The following C12orf42 variants were observed in gnomAD, a reference collection of about 807,000 sequenced individuals.
The protein encoded by C12orf42 is uncharacterized protein C12orf42.
C12orf42 carries 25 observed loss-of-function variants against 21.6 expected under a neutral mutation model. That is an observed-to-expected ratio of 1.16 (90% CI 0.84 to 1.62). C12orf42 has a LOEUF of 1.62. C12orf42 is among the 40% of genes most tolerant of loss of function. The pLI, the probability that C12orf42 is intolerant of heterozygous loss-of-function variation, is 0.00. For synonymous variants in C12orf42, 174 were observed against 175.0 expected (o/e 0.99, Z 0.05); for missense variants, 483 against 459.3 (o/e 1.05, Z -0.47).
At chr12:103,070,986 A>G in the C12orf42 span, among the ~76,000 whole-genome samples, 3 of 152,146 alleles carry the variant, frequency 2.0e-5, no homozygotes, top group Non-Finnish European at 2.9e-5. Context: ...GTCTGACTGT[A>G]TTTGCTTTAA....
chr12:103,446,724 A>G (rs1197479090), intron 2 of C12orf42, among the ~76,000 whole-genome samples: 1 of 151,988 alleles, frequency 6.6e-6, no homozygotes, highest in Non-Finnish European at 1.5e-5. Context: ...TATATCAGAA[A>G]AAAACAGACT....
chr12:103,496,847 C>T (rs1412946617), upstream of C12orf42, among the ~76,000 whole-genome samples: 1 of 116,444 alleles, frequency 8.6e-6, no homozygotes, highest in East Asian at 3.2e-4. Flanking sequence ...TTTTTAAAGA[C>T]TCTTGAGTCT....
Position 103,305,999 on chromosome 12 carries a change from G to A in C12orf42, c.606C>T (p.Pro202=), listed in dbSNP as rs369523668. The A allele has an allele frequency of 1.2e-6, 2 of 1,609,958 alleles. No homozygotes were observed. Among genetic ancestry groups the A allele is most frequent in the African/African-American group, 2.7e-5 (2 of 74,864 alleles). Residue 202 remains proline (P), a synonymous_variant, in exon 5 of 6, where the codon CCC becomes CCT. Transcript: ENST00000548883. ...CAGAATTTTTCTTGGGACTGCTCAA[G>A]GGCTGGCCCTTAGGTCTTGTGTGTC... The part of the protein sequence containing the change: ...ISRHTRPKGQ[P]LSSPKKNSGS...
intron 4 of C12orf42, among the ~76,000 whole-genome samples, chr12:103,328,169 C>T (rs1400097961): frequency 1.3e-5 from 2 of 152,042 alleles, no homozygotes; most frequent in African/African-American, 2.4e-5. Context: ...AAAAATATCC[C>T]TCCTTTTCAA....
chr12:103,405,908 C>A (rs2048392201), intron 2 of C12orf42, among the ~76,000 whole-genome samples: 2 of 152,152 alleles, frequency 1.3e-5, no homozygotes. Context: ...ACTTATTTCT[C>A]ACTTACTTGA....
chr12:103,073,185 G>A, the C12orf42 span, among the ~76,000 whole-genome samples: 701 of 152,250 alleles, frequency 4.6e-3, 6 homozygotes, highest in African/African-American at 0.014. Flanking sequence ...GGAGGATGGA[G>A]GGTGGGAGGA....
chr12:103,440,753 C>T (rs569675164), intron 2 of C12orf42, among the ~76,000 whole-genome samples: 66 of 152,170 alleles, frequency 4.3e-4, no homozygotes, highest in Non-Finnish European at 7.2e-4. Context: ...AACACCACAC[C>T]GTGGCTCCCC....
the C12orf42 span, among the ~76,000 whole-genome samples, chr12:103,077,744 T>C: frequency 6.6e-6 from 1 of 152,132 alleles, no homozygotes; most frequent in Non-Finnish European, 1.5e-5. Flanking sequence ...TAACATTTGA[T>C]GAAGGTGAGG....
the C12orf42 span, among the ~76,000 whole-genome samples, chr12:103,545,311 T>C: frequency 6.6e-6 from 1 of 152,250 alleles, no homozygotes; most frequent in African/African-American, 2.4e-5. Context: ...ATGTTGGGTA[T>C]ACATGATGTA....
At chr12:103,383,930 A>T (rs1299241029) in intron 3 of C12orf42, among the ~76,000 whole-genome samples, 9 of 152,222 alleles carry the variant, frequency 5.9e-5, no homozygotes, top group Non-Finnish European at 1.5e-5. Context: ...AGGTGCTGTC[A>T]TCATATCATG....
the C12orf42 span, among the ~76,000 whole-genome samples, chr12:103,163,496 G>A: frequency 6.6e-6 from 1 of 152,214 alleles, no homozygotes; most frequent in African/African-American, 2.4e-5. Flanking sequence ...CTGGATGGCA[G>A]TGAGCTCAGA....
At chr12:103,199,484 T>C in the C12orf42 span, among the ~76,000 whole-genome samples, 1 of 152,190 alleles carries the variant, frequency 6.6e-6, no homozygotes, top group Non-Finnish European at 1.5e-5. Context: ...CTAAAAGTCT[T>C]CCTCACAGCC....
chr12:103,202,097 C>A, the C12orf42 span, among the ~76,000 whole-genome samples: 1 of 152,160 alleles, frequency 6.6e-6, no homozygotes, highest in African/African-American at 2.4e-5. Flanking sequence ...CTTTCTGTAG[C>A]CCTGGATTAA....
intron 3 of C12orf42, among the ~76,000 whole-genome samples, chr12:103,372,176 T>G (rs2045304333): frequency 6.6e-6 from 1 of 152,116 alleles, no homozygotes; most frequent in Non-Finnish European, 1.5e-5. Context: ...TGCAGTCCTC[T>G]GCCACCTATT....
At chr12:103,330,590 T>C (rs753961340) in intron 4 of C12orf42, among the ~76,000 whole-genome samples, 3 of 152,226 alleles carry the variant, frequency 2.0e-5, no homozygotes, top group Non-Finnish European at 4.4e-5. Flanking sequence ...TGACTCTATG[T>C]GAAAGGACAA....
chr12:103,237,336 G>A (rs2033500397), downstream of C12orf42, among the ~76,000 whole-genome samples: 1 of 152,138 alleles, frequency 6.6e-6, no homozygotes, highest in Non-Finnish European at 1.5e-5. Context: ...AAACCTAACT[G>A]AGATGACAGA....
chr12:103,252,321 G>T lies in C12orf42; in HGVS notation c.*1366+11005C>A, dbSNP rs577495805. 4.6e-4 allele frequency among the ~76,000 whole-genome samples: 70 copies of T among 152,278 alleles called. 1 individual carries two copies. The South Asian group carries it at 8.9e-3, about 19-fold the overall frequency. Reference sequence around the variant, plus strand: ...TGGGTATGTACCCAGTAATGGGATTGCTGGGTTAAATGGTACTTCTGGTTC... The same window carrying T: ...TGGGTATGTACCCAGTAATGGGATTTCTGGGTTAAATGGTACTTCTGGTTC... On this transcript the variant is annotated intron_variant and NMD_transcript_variant, in intron 10 of 10. Transcript: ENST00000547347.
At chr12:103,306,395 T>C in intron 4 of C12orf42, 50 bp from the exon 5 acceptor site, 1 of 1,517,134 alleles carries the variant, frequency 6.6e-7, no homozygotes, top group East Asian at 2.3e-5. Flanking sequence ...AAACACCTGC[T>C]AAATTAATGG....
intron 2 of C12orf42, among the ~76,000 whole-genome samples, chr12:103,438,531 C>T (rs1404092185): frequency 2.6e-5 from 4 of 151,986 alleles, no homozygotes; most frequent in Non-Finnish European, 5.9e-5. Context: ...CCAAAATCTC[C>T]TTAAGCTGAT....
Sources: allele counts gnomAD v4.1 joint callset (sites outside exome capture counted in the v4.1 genomes callset), GRCh38; gene constraint gnomAD v4.1.1; transcripts MANE v1.5; gene names NCBI Gene and HGNC (gene_info 2026-07-23, HGNC 2026-07-21).